Variants in ROBO2 observed in about 807,000 individuals in gnomAD.
ROBO2 encodes roundabout guidance receptor 2, also known as roundabout homolog 2.
ROBO2 carries 53 observed loss-of-function variants against 160.8 expected under a neutral mutation model. The ratio of observed to expected loss-of-function variants is 0.33; its 90% CI spans 0.26 to 0.41. The LOEUF (loss-of-function observed/expected upper bound fraction) is 0.41. ROBO2 is among the 10% of genes least tolerant of loss of function. The pLI is 1.00. For missense variants in ROBO2, 1,577 were observed against 1,722.4 expected (o/e 0.92, Z 1.49); for synonymous variants, 664 against 611.7 (o/e 1.09, Z -1.26).
At chr3:76,051,804 A>T (rs980403778) in intron 2 of ROBO2, among the ~76,000 whole-genome samples, 1 of 152,078 alleles carries the variant, frequency 6.6e-6, no homozygotes, top group African/African-American at 2.4e-5. Context: ...AAGGGAAAAT[A>T]TTATTGTAAG....
chr3:77,318,172 T>C (rs1263835852), intron 2 of ROBO2, among the ~76,000 whole-genome samples: 1 of 152,020 alleles, frequency 6.6e-6, no homozygotes, highest in Admixed American at 6.5e-5. Context: ...CTCAGTCTCC[T>C]GAGTAGCTAG....
At chr3:76,505,970 C>T (rs867617977) in intron 2 of ROBO2, among the ~76,000 whole-genome samples, 53 of 152,176 alleles carry the variant, frequency 3.5e-4, no homozygotes, top group African/African-American at 1.1e-3. Flanking sequence ...TAGTAAGTCA[C>T]ATAAACAGAA....
chr3:76,244,861 C>T (rs971420437), intron 2 of ROBO2, among the ~76,000 whole-genome samples: 2 of 152,162 alleles, frequency 1.3e-5, no homozygotes, highest in Non-Finnish European at 2.9e-5. Context: ...GACCCCATCA[C>T]TTAATACATT....
intron 2 of ROBO2, among the ~76,000 whole-genome samples, chr3:75,998,090 A>T (rs1203664860): frequency 2.0e-5 from 3 of 152,184 alleles, no homozygotes; most frequent in Non-Finnish European, 4.4e-5. Flanking sequence ...CAAGAACCGG[A>T]CAGATTCTAA....
rs190051666 is a variant in ROBO2 at position 75,960,248 on chromosome 3, T to C, written c.109+22646T>C. Among the ~76,000 whole-genome samples, 287 of 151,908 alleles carry C rather than the reference T, an allele frequency of 1.9e-3. 1 individual carries two copies. The highest frequency in any genetic ancestry group is 4.7e-3 in the African/African-American group (197 of 41,496). ...GCTGATGTCAGTAGTTTCACTGGTA[T>C]GTAGGATCTGAAAGAATACCTCAAA... On this transcript the variant is annotated intron_variant, in intron 2 of 26. Coordinates refer to the ROBO2 transcript ENST00000487694.
chr3:76,955,011 G>T (rs2149199822), intron 2 of ROBO2, among the ~76,000 whole-genome samples: 1 of 152,148 alleles, frequency 6.6e-6, no homozygotes, highest in African/African-American at 2.4e-5. Context: ...TTACCCATTA[G>T]GTAGTAACTC....
At chr3:76,178,644 A>C (rs1355021899) in intron 2 of ROBO2, among the ~76,000 whole-genome samples, 1 of 152,176 alleles carries the variant, frequency 6.6e-6, no homozygotes, top group Admixed American at 6.6e-5. Flanking sequence ...TAAAATACTA[A>C]CACATAAAAA....
intron 2 of ROBO2, among the ~76,000 whole-genome samples, chr3:77,212,291 A>T (rs375344102): frequency 6.6e-6 from 1 of 152,120 alleles, no homozygotes; most frequent in East Asian, 1.9e-4. Context: ...GGTCCTTCAC[A>T]TCCCTTGTAA....
intron 2 of ROBO2, among the ~76,000 whole-genome samples, chr3:77,121,276 T>G (rs533151487): frequency 1.3e-5 from 2 of 152,236 alleles, no homozygotes; most frequent in Admixed American, 1.3e-4. Context: ...GAATACATGC[T>G]CAGGTTTTGA....
chr3:77,393,593 T>C (rs1474210140), intron 2 of ROBO2, among the ~76,000 whole-genome samples: 5 of 148,746 alleles, frequency 3.4e-5, no homozygotes, highest in East Asian at 1.9e-4. Flanking sequence ...TATAGTAATA[T>C]ATAATATATT....
At chr3:76,309,342 T>C (rs1188037252) in intron 2 of ROBO2, among the ~76,000 whole-genome samples, 1 of 152,246 alleles carries the variant, frequency 6.6e-6, no homozygotes, top group Non-Finnish European at 1.5e-5. Context: ...AAAATGGGCA[T>C]AAGTTTTTCC....
At position 76,618,842 on chromosome 3, in the gene ROBO2, A is replaced by G. The variant is rs551486069; in HGVS notation, c.110-479172A>G. 1.4e-4 allele frequency among the ~76,000 whole-genome samples: 22 copies of G among 151,868 alleles called. 2 individuals carry two copies. In the South Asian group the frequency reaches 4.6e-3, roughly 32 times the overall value. Reference sequence around the variant, plus strand: ...TCAAATAGCATTCGTTTTTAATTTTACTATGTCACTATATTATTTGAATAG... The same window carrying G: ...TCAAATAGCATTCGTTTTTAATTTTGCTATGTCACTATATTATTTGAATAG... On this transcript the variant is annotated intron_variant, in intron 2 of 26. Transcript: ENST00000487694.
chr3:76,888,987 G>A (rs1278997094), intron 2 of ROBO2, among the ~76,000 whole-genome samples: 1 of 152,214 alleles, frequency 6.6e-6, no homozygotes, highest in Non-Finnish European at 1.5e-5. Context: ...TGGTCAGAAT[G>A]TTGGGAAGGA....
intron 2 of ROBO2, among the ~76,000 whole-genome samples, chr3:76,574,310 A>G (rs1181660541): frequency 6.6e-6 from 1 of 152,134 alleles, no homozygotes; most frequent in Non-Finnish European, 1.5e-5. Context: ...AGATAACCAC[A>G]TAAATTTATA....
At chr3:76,234,883 A>G (rs1168712208) in intron 2 of ROBO2, among the ~76,000 whole-genome samples, 2 of 152,082 alleles carry the variant, frequency 1.3e-5, no homozygotes, top group Non-Finnish European at 2.9e-5. Flanking sequence ...CCTAGTTGAA[A>G]TCCACAGATG....
At chr3:76,215,631 A>C (rs1363007388) in intron 2 of ROBO2, among the ~76,000 whole-genome samples, 1 of 152,186 alleles carries the variant, frequency 6.6e-6, no homozygotes, top group Non-Finnish European at 1.5e-5. Flanking sequence ...AAAGAAATGA[A>C]CAAAGACTCC....
chr3:76,669,580 A>G (rs566074510), intron 2 of ROBO2, among the ~76,000 whole-genome samples: 2 of 152,200 alleles, frequency 1.3e-5, no homozygotes, highest in East Asian at 3.9e-4. Flanking sequence ...CCCTTCCTTT[A>G]TAAGAGAAGC....
At chr3:77,468,540 T>C (rs2083019818) in intron 2 of ROBO2, among the ~76,000 whole-genome samples, 1 of 152,178 alleles carries the variant, frequency 6.6e-6, no homozygotes, top group Non-Finnish European at 1.5e-5. Context: ...CTTGGCACTC[T>C]TAGCAGGACT....
chr3:76,181,358 T>C (rs761456616), intron 2 of ROBO2, among the ~76,000 whole-genome samples: 20 of 151,002 alleles, frequency 1.3e-4, no homozygotes, highest in South Asian at 4.2e-4. Flanking sequence ...TATCTAAGAA[T>C]ATGTCTACTT....
Sources: gnomAD v4.1 joint callset for allele counts (sites outside exome capture counted in the v4.1 genomes callset) on GRCh38, gnomAD v4.1.1 for gene constraint, MANE v1.5 for transcripts, NCBI Gene and HGNC (gene_info 2026-07-23, HGNC 2026-07-21) for gene names.